Variants in F13A1 observed in about 807,000 individuals in gnomAD.
The protein encoded by F13A1 is FSF, A subunit.
In F13A1, 47 loss-of-function variants were observed where a neutral mutation model predicts 80.1. The ratio of observed to expected loss-of-function variants is 0.59; its 90% CI spans 0.46 to 0.75. The LOEUF is 0.75. Ranked by LOEUF, F13A1 falls within the 30% of genes least tolerant of loss-of-function variation. F13A1 has a pLI of 0.00. For synonymous variants in F13A1, 349 were observed against 344.9 expected (o/e 1.01, Z -0.13); for missense variants, 817 against 930.4 (o/e 0.88, Z 1.59).
intron 3 of F13A1, among the ~76,000 whole-genome samples, chr6:6,273,466 A>C (rs1203075016): frequency 6.6e-6 from 1 of 152,180 alleles, no homozygotes; most frequent in Non-Finnish European, 1.5e-5. Context: ...TCTTCCTCAG[A>C]GGGTGTTTTC....
intron 4 of F13A1, among the ~76,000 whole-genome samples, chr6:6,265,263 A>G (rs1027747289): frequency 2.0e-5 from 3 of 152,172 alleles, no homozygotes; most frequent in Admixed American, 1.3e-4. Flanking sequence ...AATCAGCAAT[A>G]ATATGGGCTC....
intron 8 of F13A1, among the ~76,000 whole-genome samples, chr6:6,202,628 T>C (rs992818965): frequency 6.6e-6 from 1 of 152,224 alleles, no homozygotes; most frequent in Non-Finnish European, 1.5e-5. Context: ...ATTCTAAATC[T>C]CCTTGTTGCC....
chr6:6,304,553 A>G (rs558281116), intron 3 of F13A1, among the ~76,000 whole-genome samples: 3 of 152,310 alleles, frequency 2.0e-5, no homozygotes, highest in Admixed American at 6.5e-5. Context: ...GCTAATGTGC[A>G]TCGTTAATCT....
chr6:6,298,092 A>G (rs1451880549), intron 3 of F13A1, among the ~76,000 whole-genome samples: 4 of 149,698 alleles, frequency 2.7e-5, no homozygotes, highest in African/African-American at 1.0e-4. Context: ...TTCTAGTTTG[A>G]TTGCACTGTG....
chr6:6,315,969 T>G (rs1231105747), intron 2 of F13A1, among the ~76,000 whole-genome samples: 1 of 149,756 alleles, frequency 6.7e-6, no homozygotes, highest in East Asian at 2.0e-4. Flanking sequence ...TGATATATAG[T>G]GCCAGAAAAC....
intron 3 of F13A1, among the ~76,000 whole-genome samples, chr6:6,303,351 T>C (rs1758463566): frequency 6.6e-6 from 1 of 152,178 alleles, no homozygotes; most frequent in African/African-American, 2.4e-5. Flanking sequence ...GGATTCTAAT[T>C]GGAAATGCAT....
At chr6:6,231,978 A>G (rs1331449089) in intron 6 of F13A1, among the ~76,000 whole-genome samples, 1 of 152,220 alleles carries the variant, frequency 6.6e-6, no homozygotes, top group African/African-American at 2.4e-5. Flanking sequence ...GAACTTCTTT[A>G]AAGCATAAAT....
At chr6:6,249,106 A>C (rs1174023165) in intron 5 of F13A1, among the ~76,000 whole-genome samples, 1 of 152,204 alleles carries the variant, frequency 6.6e-6, no homozygotes, top group African/African-American at 2.4e-5. Context: ...TAAAGATCAA[A>C]TAGCAAGACA....
intron 8 of F13A1, among the ~76,000 whole-genome samples, chr6:6,214,847 T>G (rs1761691595): frequency 1.3e-5 from 1 of 76,448 alleles, no homozygotes; most frequent in African/African-American, 5.5e-5. Context: ...ATAAAGGGGA[T>G]ATCACCACCG....
chr6:6,279,278 C>T (rs1345857657), intron 3 of F13A1, among the ~76,000 whole-genome samples: 1 of 152,120 alleles, frequency 6.6e-6, no homozygotes, highest in African/African-American at 2.4e-5. Flanking sequence ...GTTATTCTAT[C>T]AATCCATGAA....
intron 3 of F13A1, among the ~76,000 whole-genome samples, chr6:6,275,218 T>C (rs1010570193): frequency 6.6e-6 from 1 of 151,714 alleles, no homozygotes; most frequent in Non-Finnish European, 1.5e-5. Context: ...AGTGGAGGGG[T>C]GCCAGCGGAA....
chr6:6,220,736 C>G (rs965620468), intron 8 of F13A1, among the ~76,000 whole-genome samples: 5 of 152,138 alleles, frequency 3.3e-5, no homozygotes, highest in African/African-American at 1.2e-4. Context: ...ATTCTGCAGG[C>G]TTAAAGTGTT....
At chr6:6,255,249 G>A (rs111551979) in intron 4 of F13A1, among the ~76,000 whole-genome samples, 1,854 of 152,126 alleles carry the variant, frequency 0.012, 30 homozygotes, top group Non-Finnish European at 0.018. Flanking sequence ...ATGTAAATAA[G>A]CATTGTTATA....
chr6:6,155,082 A>G (rs1382973894), intron 13 of F13A1, among the ~76,000 whole-genome samples: 3 of 152,170 alleles, frequency 2.0e-5, no homozygotes, highest in Non-Finnish European at 4.4e-5. Flanking sequence ...TTTTTAGGGG[A>G]TGCACTATAG....
intron 4 of F13A1, among the ~76,000 whole-genome samples, chr6:6,258,023 A>G (rs1218937035): frequency 6.6e-6 from 1 of 151,914 alleles, no homozygotes; most frequent in African/African-American, 2.4e-5. Context: ...TTATTTATTT[A>G]TGTATTTATT....
At chr6:6,310,048 T>C (rs112115916) in intron 2 of F13A1, among the ~76,000 whole-genome samples, 91 of 152,348 alleles carry the variant, frequency 6.0e-4, no homozygotes, top group African/African-American at 2.2e-3. Flanking sequence ...AAAACCTGGC[T>C]TTCCAGCTTT....
At chr6:6,171,874 T>C (rs1760781268) in intron 12 of F13A1, among the ~76,000 whole-genome samples, 1 of 152,232 alleles carries the variant, frequency 6.6e-6, no homozygotes, top group Non-Finnish European at 1.5e-5. Flanking sequence ...CAGTTTCTTC[T>C]GGCTGGAATG....
chr6:6,173,000 T>C (rs1760802960), intron 12 of F13A1, among the ~76,000 whole-genome samples: 1 of 152,190 alleles, frequency 6.6e-6, no homozygotes, highest in Admixed American at 6.5e-5. Flanking sequence ...CTTTGCTTTG[T>C]CAAAATTATT....
At chr6:6,297,508 C>T (rs561140981) in intron 3 of F13A1, among the ~76,000 whole-genome samples, 3 of 151,060 alleles carry the variant, frequency 2.0e-5, no homozygotes, top group Non-Finnish European at 4.4e-5. Context: ...TTATCCATTT[C>T]TTCTAGATTT....
Sources: gnomAD v4.1 joint callset for allele counts (sites outside exome capture counted in the v4.1 genomes callset) on GRCh38, gnomAD v4.1.1 for gene constraint, MANE v1.5 for transcripts, NCBI Gene and HGNC (gene_info 2026-07-23, HGNC 2026-07-21) for gene names.